The following ESR1 variants were observed in gnomAD, a reference collection of about 807,000 sequenced individuals.
The protein encoded by ESR1 is estrogen receptor.
A neutral mutation model predicts 52.7 loss-of-function variants in ESR1; 12 were observed. That is an observed-to-expected ratio of 0.23 (90% CI 0.15 to 0.37). The LOEUF is 0.37. Ranked by LOEUF, ESR1 falls within the 10% of genes least tolerant of loss-of-function variation. The pLI is 1.00. For synonymous variants in ESR1, 305 were observed against 316.8 expected, an observed-to-expected ratio of 0.96 and a Z score of 0.39; for missense variants, 584 against 779.7, an observed-to-expected ratio of 0.75 and a Z score of 2.99.
intron 1 of ESR1, among the ~76,000 whole-genome samples, chr6:151,822,883 G>T (rs1041443347): frequency 2.6e-5 from 4 of 152,112 alleles, no homozygotes; most frequent in African/African-American, 9.7e-5. Context: ...AATTATGTCC[G>T]AAACAGACTT....
At chr6:151,719,673 A>G (rs923047889) in intron 2 of ESR1, among the ~76,000 whole-genome samples, 3 of 152,218 alleles carry the variant, frequency 2.0e-5, no homozygotes, top group Non-Finnish European at 1.5e-5. Context: ...TTTTCATACT[A>G]TCTCTACAAT....
intron 1 of ESR1, among the ~76,000 whole-genome samples, chr6:151,685,107 C>CTTTTTTTTTTTT (rs772122906): frequency 1.2e-4 from 9 of 72,950 alleles, no homozygotes; most frequent in Non-Finnish European, 1.8e-4. Flanking sequence ...ACACTGGCCT[C>CTTTTTTTTTTTT]TTTTTTTTTT....
intron 3 of ESR1, among the ~76,000 whole-genome samples, chr6:151,893,650 GTA>G (rs1422450333): frequency 2.6e-5 from 4 of 152,044 alleles, no homozygotes; most frequent in Non-Finnish European, 5.9e-5. Flanking sequence ...GATACATTAT[GTA>G]TGTTTTTTTC....
At chr6:151,834,547 C>T (rs1019607626) in intron 1 of ESR1, among the ~76,000 whole-genome samples, 3 of 151,938 alleles carry the variant, frequency 2.0e-5, no homozygotes, top group Admixed American at 2.0e-4. Flanking sequence ...TGGGGTCTAT[C>T]AGGGGGTTGG....
chr6:151,763,170 A>G (rs1472529919), intron 2 of ESR1, among the ~76,000 whole-genome samples: 2 of 151,976 alleles, frequency 1.3e-5, no homozygotes, highest in Non-Finnish European at 2.9e-5. Context: ...AAACACACCT[A>G]TGTAATTTCC....
At chr6:151,766,996 C>G (rs200942755) in intron 2 of ESR1, among the ~76,000 whole-genome samples, 1 of 152,302 alleles carries the variant, frequency 6.6e-6, no homozygotes, top group South Asian at 2.1e-4. Context: ...CAGATAAGGA[C>G]TTATTCTATA....
Position 152,008,507 on chromosome 6 carries a change from A to G in ESR1, c.1097-3149A>G, listed in dbSNP as rs1169338780. Among the ~76,000 whole-genome samples, 7 of 152,134 alleles carry G rather than the reference A, an allele frequency of 4.6e-5. No homozygotes were observed. The East Asian group carries it at 9.6e-4, about 21-fold the overall frequency. On this transcript the variant is annotated intron_variant, in intron 4 of 7. Coordinates refer to ENST00000206249, the MANE Select transcript of ESR1 (RefSeq NM_000125.4). The stretch of plus-strand genomic sequence containing the variant: ...CTTCTTTGGCTTCCAAAAGGCCACT[A>G]AAACTGTCAGACCTAAATAATACTG...
chr6:151,872,665 A>C (rs1791171927), intron 2 of ESR1, among the ~76,000 whole-genome samples: 2 of 152,110 alleles, frequency 1.3e-5, no homozygotes, highest in Non-Finnish European at 1.5e-5. Flanking sequence ...TCATTGTTTG[A>C]ACCTGTTTTC....
At chr6:152,004,863 G>C (rs2042215581) in intron 4 of ESR1, among the ~76,000 whole-genome samples, 1 of 151,952 alleles carries the variant, frequency 6.6e-6, no homozygotes, top group Non-Finnish European at 1.5e-5. Context: ...ATCTTAATAT[G>C]GGGTATTTAT....
chr6:152,015,692 A>G (rs1470616228), intron 5 of ESR1, among the ~76,000 whole-genome samples: 1 of 152,144 alleles, frequency 6.6e-6, no homozygotes, highest in Non-Finnish European at 1.5e-5. Flanking sequence ...GTGCATTGCT[A>G]CTCATCAATT....
chr6:151,866,490 C>T (rs1034193757), intron 2 of ESR1, among the ~76,000 whole-genome samples: 2 of 152,134 alleles, frequency 1.3e-5, no homozygotes, highest in Admixed American at 1.3e-4. Context: ...CCCCCACCCC[C>T]TGACAGGCCC....
At chr6:152,105,775 C>CTTTTTTTTTTTTTT (rs71017522), downstream of ESR1, among the ~76,000 whole-genome samples, 1 of 79,432 alleles carries the variant, frequency 1.3e-5, no homozygotes. Context: ...CAGTATGCAT[C>CTTTTTTTTTTTTTT]TTTTTTTTTT....
intron 5 of ESR1, among the ~76,000 whole-genome samples, chr6:152,022,986 A>G (rs1282140507): frequency 2.6e-5 from 4 of 151,918 alleles, no homozygotes; most frequent in Non-Finnish European, 5.9e-5. Context: ...TCAAAAAAAA[A>G]AAAAAGAGAG....
exon 7 of ESR1, chr6:152,129,126 G>A (rs1048466372): frequency 1.3e-5 from 2 of 152,290 alleles, no homozygotes; most frequent in African/African-American, 2.4e-5. Context: ...CCTGTTAGGA[G>A]GCATGAGGAA....
At position 151,834,521 on chromosome 6, in the gene ESR1, G is replaced by A. The variant is rs568608225; in HGVS notation, c.453-8076G>A. On this transcript the variant is annotated intron_variant, in intron 1 of 7. Coordinates refer to ENST00000206249, the MANE Select transcript of ESR1 (RefSeq NM_000125.4). ...AATGAGAACACATGGACACAGGGACGGGAACATTACACACCTGGGGTCTAT... is the reference window on the plus strand; with the variant it reads ...AATGAGAACACATGGACACAGGGACAGGAACATTACACACCTGGGGTCTAT... 4.6e-5 allele frequency among the ~76,000 whole-genome samples: 7 copies of A among 152,170 alleles called. No homozygotes were observed. In the South Asian group the frequency reaches 8.3e-4, roughly 18 times the overall value.
At chr6:152,085,845 G>A (rs550398308) in intron 6 of ESR1, among the ~76,000 whole-genome samples, 1 of 152,338 alleles carries the variant, frequency 6.6e-6, no homozygotes, top group East Asian at 1.9e-4. Flanking sequence ...ATCTCCATGG[G>A]AAGAGTGCCA....
upstream of ESR1, among the ~76,000 whole-genome samples, chr6:151,687,517 A>G (rs761064680): frequency 4.6e-5 from 7 of 152,254 alleles, no homozygotes; most frequent in Non-Finnish European, 8.8e-5. Context: ...ACTGAGTCCC[A>G]GACTCTGCTA....
At chr6:151,895,624 G>A (rs926505431) in intron 3 of ESR1, among the ~76,000 whole-genome samples, 1 of 152,088 alleles carries the variant, frequency 6.6e-6, no homozygotes, top group African/African-American at 2.4e-5. Context: ...TGCTTTTTCT[G>A]TATCTATTGC....
At chr6:151,715,572 T>C (rs1464988845) in intron 2 of ESR1, among the ~76,000 whole-genome samples, 1 of 152,174 alleles carries the variant, frequency 6.6e-6, no homozygotes, top group Non-Finnish European at 1.5e-5. Context: ...CTTCATGCTT[T>C]ATTTCAAGTT....
Sources: gnomAD v4.1 joint callset for allele counts (sites outside exome capture counted in the v4.1 genomes callset) on GRCh38, gnomAD v4.1.1 for gene constraint, MANE v1.5 for transcripts, NCBI Gene and HGNC (gene_info 2026-07-23, HGNC 2026-07-21) for gene names.